The following CRACR2A variants were observed in gnomAD, a reference collection of about 807,000 sequenced individuals.
The protein encoded by CRACR2A is calcium release activated channel regulator 2A, also known as EF-hand calcium-binding domain-containing protein 4B.
CRACR2A carries 79 observed loss-of-function variants against 90.5 expected under a neutral mutation model. The observed-to-expected ratio is 0.87, with a 90% CI of 0.73 to 1.05. The LOEUF is 1.05. Among genes scored for constraint, CRACR2A ranks in the 50% least tolerant of loss-of-function variants. The pLI, the probability that CRACR2A is intolerant of heterozygous loss-of-function variation, is 0.00. For missense variants in CRACR2A, 823 were observed against 897.2 expected (o/e 0.92, Z 1.06); for synonymous variants, 338 against 356.7 (o/e 0.95, Z 0.59).
At chr12:3,692,469 GT>G (rs1251029110) in intron 4 of CRACR2A, among the ~76,000 whole-genome samples, 2 of 106,654 alleles carry the variant, frequency 1.9e-5, no homozygotes, top group Non-Finnish European at 3.4e-5. Context: ...TCAGGCCCTG[GT>G]TTTTTTTCTC....
rs778592408 is a variant in CRACR2A, at chr12:3,679,007, T to G, written c.432A>C (p.Arg144Ser). Reference sequence around the variant, plus strand: ...CCATGTCGCCCAGATCCTCATCCCCTCTGGACAGATACACCTTCTCTTCAT... The same window carrying G: ...CCATGTCGCCCAGATCCTCATCCCCGCTGGACAGATACACCTTCTCTTCAT... ...QRHEEKVYLS[R>S]GDEDLGDMGE... is the part of the protein sequence containing the mutation. Residue 144 changes from arginine to serine, a missense_variant, in exon 6 of 20, where the codon AGA becomes AGC. Physicochemically the swap from Arg to Ser is moderately radical, Grantham distance 110. Coordinates refer to ENST00000440314, the MANE Select transcript of CRACR2A (RefSeq NM_001144958.2). 1.2e-6 allele frequency: 2 copies of G among 1,614,078 alleles called. No individual in the cohort carries two copies. The highest frequency in any genetic ancestry group is 2.7e-5 in the African/African-American group (2 of 75,048).
chr12:3,659,417 G>C, intron 8 of CRACR2A, 147 bp downstream of exon 8: 1 of 633,024 alleles, frequency 1.6e-6, no homozygotes, highest in Non-Finnish European at 2.8e-6. Context: ...CCTGTGTGAA[G>C]GTGATAAATG....
chr12:3,747,817 G>A (rs61908606), intron 1 of CRACR2A, among the ~76,000 whole-genome samples: 20,928 of 152,176 alleles, frequency 0.14, 1,522 homozygotes, highest in South Asian at 0.18. Flanking sequence ...CGTGTGCTAC[G>A]TCTCACCCTT....
intron 10 of CRACR2A, 69 bp downstream of exon 10, chr12:3,654,143 G>T (rs976961253): frequency 5.1e-6 from 8 of 1,556,122 alleles, no homozygotes; most frequent in Admixed American, 2.1e-5. Flanking sequence ...TCTGAGCGGC[G>T]AGGGGACATG....
intron 2 of CRACR2A, among the ~76,000 whole-genome samples, chr12:3,720,424 A>AGAGG (rs1946149006): frequency 1.2e-5 from 1 of 80,338 alleles, no homozygotes; most frequent in African/African-American, 4.8e-5. Context: ...AGGAAGAAAG[A>AGAGG]AAGAAAGAAA....
chr12:3,699,436 T>C (rs1945798446), intron 3 of CRACR2A, among the ~76,000 whole-genome samples: 1 of 152,292 alleles, frequency 6.6e-6, no homozygotes. Context: ...GAGTCCCTAA[T>C]GGTGGGATTT....
chr12:3,627,334 A>G (rs1250719705), intron 17 of CRACR2A, 102 bp downstream of exon 17: 1 of 841,320 alleles, frequency 1.2e-6, no homozygotes. Flanking sequence ...GCAAGTTCCG[A>G]ATCAGATTTT....
rs1219213881 is a variant in CRACR2A, at chr12:3,633,775, G to A, written c.1603-39C>T. 5 of 1,550,556 alleles carry A rather than the reference G, an allele frequency of 3.2e-6. No individual in the cohort carries two copies. The African/African-American group carries it at 6.8e-5, about 21-fold the overall frequency. ...ACAATCTGACCAACTGCAGGGAATA[G>A]TCTTGCCAGCCCCTGCCCCTGCCAC... On this transcript the variant is annotated intron_variant, in intron 14 of 19. Transcript: ENST00000440314. The surrounding 1 kb of genome is among the most constrained non-coding windows in gnomAD (Gnocchi z 4.5).
At chr12:3,687,182 ATTTTC>A (rs1487855883) in intron 4 of CRACR2A, among the ~76,000 whole-genome samples, 3 of 145,908 alleles carry the variant, frequency 2.1e-5, no homozygotes, top group Non-Finnish European at 4.5e-5. Context: ...CTCTCATCCC[ATTTTC>A]TTTTTTTTTT....
intron 17 of CRACR2A, among the ~76,000 whole-genome samples, chr12:3,626,990 G>A (rs539114818): frequency 1.3e-5 from 2 of 152,274 alleles, no homozygotes; most frequent in Admixed American, 6.5e-5. Context: ...CCCGGGCAGG[G>A]CATAGCTGGG....
At chr12:3,642,679 G>A (rs1293258218) in intron 12 of CRACR2A, among the ~76,000 whole-genome samples, 2 of 152,210 alleles carry the variant, frequency 1.3e-5, no homozygotes, top group Admixed American at 6.5e-5. Flanking sequence ...TCCTGAGCTA[G>A]CATAAGGTAG....
intron 2 of CRACR2A, among the ~76,000 whole-genome samples, chr12:3,720,902 C>T (rs961187192): frequency 1.3e-5 from 2 of 152,190 alleles, no homozygotes; most frequent in Admixed American, 6.5e-5. Flanking sequence ...AAGACAAAGT[C>T]GAATCATGGT....
chr12:3,673,787 T>C (rs1229165045), intron 6 of CRACR2A, among the ~76,000 whole-genome samples, 195 bp from the exon 7 acceptor site: 1 of 152,184 alleles, frequency 6.6e-6, no homozygotes, highest in East Asian at 1.9e-4. Flanking sequence ...GTCCTCACAA[T>C]AACCCTACAA....
At chr12:3,640,926 T>C in intron 13 of CRACR2A, 1 of 915,436 alleles carries the variant, frequency 1.1e-6, no homozygotes, top group Non-Finnish European at 1.5e-6. Flanking sequence ...GTTAATTAAA[T>C]ATAGGTCATG....
At chr12:3,656,856 C>T (rs1053734134) in intron 8 of CRACR2A, among the ~76,000 whole-genome samples, 3 of 152,130 alleles carry the variant, frequency 2.0e-5, no homozygotes, top group East Asian at 1.9e-4. Context: ...GCATTGGCAT[C>T]GGATCCCTTA....
intron 7 of CRACR2A, among the ~76,000 whole-genome samples, chr12:3,666,927 C>T (rs1945161793): frequency 1.3e-5 from 2 of 152,188 alleles, no homozygotes; most frequent in African/African-American, 2.4e-5. Flanking sequence ...GTAGGCTTGG[C>T]CTTGGAGAGA....
At chr12:3,624,770 T>C (rs1944223864) in intron 17 of CRACR2A, among the ~76,000 whole-genome samples, 1 of 152,176 alleles carries the variant, frequency 6.6e-6, no homozygotes, top group African/African-American at 2.4e-5. Flanking sequence ...ACATGAGAAC[T>C]TGCTAGAAAC....
intron 2 of CRACR2A, chr12:3,729,121 C>T (rs970411658): frequency 4.6e-5 from 7 of 152,176 alleles, no homozygotes; most frequent in Non-Finnish European, 7.3e-5. Flanking sequence ...TCACTCACAC[C>T]GAGCGCAGTG....
rs59768513 is a variant in CRACR2A, at chr12:3,622,647, T to C, written c.1933-3275A>G. The stretch of plus-strand genomic sequence containing the variant: ...CTATGTGCATGTGTGTGTGTGTGTG[T>C]GCGTGCGTTTTAATATCTATTTGCT... On this transcript the variant is annotated intron_variant, in intron 17 of 19. Transcript: ENST00000440314. Among the ~76,000 whole-genome samples, 531 of 152,152 alleles carry C rather than the reference T, an allele frequency of 3.5e-3. 1 individual carries two copies. The highest frequency in any genetic ancestry group is 0.012 in the African/African-American group (486 of 41,516).
Sources: gnomAD v4.1 joint callset for allele counts (sites outside exome capture counted in the v4.1 genomes callset) on GRCh38, gnomAD v4.1.1 for gene constraint, Gnocchi (gnomAD v3.1) non-coding constraint, MANE v1.5 for transcripts, NCBI Gene and HGNC (gene_info 2026-07-23, HGNC 2026-07-21) for gene names.